Variants in TRPC1 observed in about 807,000 individuals in gnomAD.
TRPC1 encodes the protein short transient receptor potential channel 1.
TRPC1 carries 42 observed loss-of-function variants against 88.2 expected under a neutral mutation model. The observed-to-expected ratio is 0.48, with a 90% confidence interval of 0.37 to 0.62. The LOEUF is 0.62. Ranked by LOEUF, TRPC1 falls within the 20% of genes least tolerant of loss-of-function variation. The pLI is 0.00. For synonymous variants in TRPC1, 288 were observed against 331.8 expected, an observed-to-expected ratio of 0.87 and a Z score of 1.43; for missense variants, 699 against 957.3, an observed-to-expected ratio of 0.73 and a Z score of 3.56.
In TRPC1 at chr3:142,786,858, T is replaced by C. The variant is rs558823928; in HGVS notation, c.1297+1818T>C. Among the ~76,000 whole-genome samples, 5 of 152,324 alleles carry C rather than the reference T, an allele frequency of 3.3e-5. No homozygotes were observed. The South Asian group carries it at 8.3e-4, about 25-fold the overall frequency. On this transcript the variant is annotated intron_variant, in intron 7 of 12. Transcript: ENST00000476941. ...AGTAAGAAAGAATATTTTCTGTGTT[T>C]TGTTAGATTTAGTTTACCCCAGTCT...
In TRPC1 at chr3:142,804,190, C is replaced by A; in HGVS notation, c.1959+12C>A. 7 of 1,613,122 alleles carry A rather than the reference C, an allele frequency of 4.3e-6. No homozygotes were observed. The highest frequency in any genetic ancestry group is 5.9e-6 in the Non-Finnish European group (7 of 1,179,432). ...TTCAGTTGATAGCAGTAAGTTCATT[C>A]TTTTAAAAACTTTATATTCTCCTCA... On this transcript the variant is annotated intron_variant, in intron 11 of 12. Coordinates refer to ENST00000476941, the MANE Select transcript of TRPC1 (RefSeq NM_001251845.2).
intron 5 of TRPC1, among the ~76,000 whole-genome samples, chr3:142,780,183 ACTT>A (rs1935915269): frequency 1.3e-5 from 2 of 152,072 alleles, no homozygotes; most frequent in South Asian, 2.1e-4. Flanking sequence ...ATATACTAAA[ACTT>A]CTTCATTTCT....
At chr3:142,781,107 AC>A in intron 6 of TRPC1, 78 bp downstream of exon 6, 1 of 1,219,422 alleles carries the variant, frequency 8.2e-7, no homozygotes, top group Non-Finnish European at 1.1e-6. Context: ...CTTTGGAGTA[AC>A]TCATCTGGGT....
chr3:142,726,854 G>A lies in TRPC1; in HGVS notation c.172+2123G>A, dbSNP rs568715821. On this transcript the variant is annotated intron_variant, in intron 1 of 12. Transcript: ENST00000476941. ...ATTCACTAAAGCAGCTATTGGGGTC[G>A]AGTGTTCATGCTTTTCATAGAGGAT... Among the ~76,000 whole-genome samples the A allele has an allele frequency of 1.5e-4, 23 of 152,256 alleles. No individual in the cohort carries two copies. The East Asian group carries it at 4.0e-3, about 27-fold the overall frequency.
At chr3:142,735,036 GTGTC>G (rs66754025) in intron 1 of TRPC1, among the ~76,000 whole-genome samples, 4,377 of 152,244 alleles carry the variant, frequency 0.029, 224 homozygotes, top group African/African-American at 0.1. Context: ...ACTTTGTGAA[GTGTC>G]TGTCTGATAA....
At chr3:142,803,570 T>C (rs896970489) in intron 10 of TRPC1, among the ~76,000 whole-genome samples, 1 of 151,560 alleles carries the variant, frequency 6.6e-6, no homozygotes, top group African/African-American at 2.4e-5. Flanking sequence ...GGCTGCCTTG[T>C]TGAGAACAGA....
intron 2 of TRPC1, among the ~76,000 whole-genome samples, chr3:142,739,248 A>T (rs959948554): frequency 6.6e-6 from 1 of 152,206 alleles, no homozygotes; most frequent in African/African-American, 2.4e-5. Context: ...TGCTGAGATT[A>T]CAGGTGTGAG....
intron 4 of TRPC1, among the ~76,000 whole-genome samples, chr3:142,757,183 C>T (rs577785149): frequency 2.0e-5 from 3 of 152,108 alleles, no homozygotes; most frequent in Admixed American, 2.0e-4. Context: ...CTGCAATAAA[C>T]ATGGGAATGC....
rs975638809 is a variant in TRPC1 at position 142,802,360 on chromosome 3, A to T, written c.1757+16A>T. The T allele has an allele frequency of 1.5e-6, 2 of 1,370,080 alleles. No individual in the cohort carries two copies. Among genetic ancestry groups the T allele is most frequent in the African/African-American group, 3.0e-5 (2 of 66,524 alleles). 84.9% of individuals were successfully genotyped at this position (1,370,080 alleles called of 1,614,324 possible). Reference sequence around the variant, plus strand: ...CCTTCCATTCGTGAGTATCTTTTAAATGTTTTAGTAAATATATTTGTCTTT... The same window carrying T: ...CCTTCCATTCGTGAGTATCTTTTAATTGTTTTAGTAAATATATTTGTCTTT... On this transcript the variant is annotated intron_variant, in intron 10 of 12. Coordinates refer to ENST00000476941, the MANE Select transcript of TRPC1 (RefSeq NM_001251845.2).
intron 9 of TRPC1, among the ~76,000 whole-genome samples, chr3:142,797,861 G>C (rs1217803552): frequency 1.3e-5 from 2 of 152,104 alleles, no homozygotes; most frequent in African/African-American, 2.4e-5. Context: ...TGAAACATGA[G>C]TGTGTATTTT....
At chr3:142,753,520 C>G (rs1228500542) in intron 4 of TRPC1, among the ~76,000 whole-genome samples, 1 of 151,502 alleles carries the variant, frequency 6.6e-6, no homozygotes, top group Non-Finnish European at 1.5e-5. Context: ...AATCCTAGCA[C>G]TTTGGAGGCC....
intron 4 of TRPC1, among the ~76,000 whole-genome samples, chr3:142,765,115 A>G (rs1935336420): frequency 1.3e-5 from 2 of 152,130 alleles, no homozygotes; most frequent in Non-Finnish European, 2.9e-5. Flanking sequence ...CTAACTCAGG[A>G]GGTAAAAAAA....
rs1020351947 is a variant in TRPC1 at position 142,792,363 on chromosome 3, C to T, written c.1438-461C>T. ...ATCCCAGGCAATGGGGACAATTGAC[C>T]ACTGTGTCTAGGTACAATAATGCCC... On this transcript the variant is annotated intron_variant, in intron 8 of 12. Transcript: ENST00000476941. The surrounding 1 kb of genome is among the most constrained non-coding windows in gnomAD (Gnocchi z 4.0). 6.6e-6 allele frequency among the ~76,000 whole-genome samples: 1 copy of T among 151,882 alleles called. No homozygotes were observed. Among genetic ancestry groups the T allele is most frequent in the African/African-American group, 2.4e-5 (1 of 41,370 alleles).
chr3:142,799,470 C>T (rs56666685), intron 9 of TRPC1, among the ~76,000 whole-genome samples: 32,544 of 151,920 alleles, frequency 0.21, 3,576 homozygotes, highest in East Asian at 0.33. Flanking sequence ...ATCCACTGTT[C>T]TACTTTTACT....
intron 2 of TRPC1, among the ~76,000 whole-genome samples, chr3:142,737,003 T>G (rs1341988311): frequency 1.3e-5 from 2 of 152,100 alleles, no homozygotes; most frequent in African/African-American, 4.8e-5. Context: ...TATTTTTTTG[T>G]TTGAAACTTA....
At position 142,740,155 on chromosome 3, in the gene TRPC1, G is replaced by T. The variant is rs78649161; in HGVS notation, c.328-3330G>T. 3.5e-4 allele frequency among the ~76,000 whole-genome samples: 54 copies of T among 152,310 alleles called. 1 individual carries two copies. The East Asian group carries it at 9.8e-3, about 28-fold the overall frequency. On this transcript the variant is annotated intron_variant, in intron 2 of 12. Transcript: ENST00000476941. Reference sequence around the variant, plus strand: ...TACCTGCTCTATGAAACCAGTCCCTGGTGCCAAAAAGGTTGGAGACCGCTG... The same window carrying T: ...TACCTGCTCTATGAAACCAGTCCCTTGTGCCAAAAAGGTTGGAGACCGCTG...
chr3:142,739,793 TA>T (rs1934276199), intron 2 of TRPC1, among the ~76,000 whole-genome samples: 1 of 152,254 alleles, frequency 6.6e-6, no homozygotes, highest in African/African-American at 2.4e-5. Flanking sequence ...TGTAGTAATC[TA>T]CATATGAAGA....
chr3:142,791,000 T>G lies in TRPC1; in HGVS notation c.1298-19T>G, dbSNP rs767327691. ...TGAATTAAGAAAGTGTTATCTGATT[T>G]TTTTCTTCCTTTTCTCAGGGATGAT... On this transcript the variant is annotated intron_variant, in intron 7 of 12. Transcript: ENST00000476941. 152 of 1,545,824 alleles carry G rather than the reference T, an allele frequency of 9.8e-5. No individual in the cohort carries two copies. The Middle Eastern group carries it at 2.7e-3, about 27-fold the overall frequency.
intron 8 of TRPC1, among the ~76,000 whole-genome samples, chr3:142,791,642 C>A (rs1422902449): frequency 6.6e-6 from 1 of 151,838 alleles, no homozygotes; most frequent in Non-Finnish European, 1.5e-5. Flanking sequence ...AAAATGAGAA[C>A]AAAGTAACTT....
Sources: gnomAD v4.1 joint callset for allele counts (sites outside exome capture counted in the v4.1 genomes callset) on GRCh38, gnomAD v4.1.1 for gene constraint, Gnocchi (gnomAD v3.1) non-coding constraint, MANE v1.5 for transcripts, NCBI Gene and HGNC (gene_info 2026-07-23, HGNC 2026-07-21) for gene names.